The following FBXO9 variants were observed in gnomAD, a reference collection of about 807,000 sequenced individuals.
FBXO9 encodes the protein F-box only protein 9.
A neutral mutation model predicts 63.7 loss-of-function variants in FBXO9; 43 were observed. The observed-to-expected ratio is 0.67, with a 90% CI of 0.53 to 0.87. FBXO9 has a LOEUF of 0.87. Ranked by LOEUF, FBXO9 falls within the 40% of genes least tolerant of loss-of-function variation. The probability of loss-of-function intolerance (pLI) is 0.00; values close to 1 mark genes in which losing one functional copy is unlikely to be tolerated. For missense variants in FBXO9, 442 were observed against 533.2 expected (o/e 0.83, Z 1.68); for synonymous variants, 156 against 171.7 (o/e 0.91, Z 0.72).
chr6:53,094,372 T>C (rs1291149974), intron 11 of FBXO9, among the ~76,000 whole-genome samples: 1 of 152,226 alleles, frequency 6.6e-6, no homozygotes, highest in Non-Finnish European at 1.5e-5. Context: ...CAGTTTCTAC[T>C]GGAAATAACC....
Position 53,099,506 on chromosome 6 carries a change from C to G in FBXO9, c.*1676C>G, listed in dbSNP as rs1051781734. 1 of 151,640 alleles carries G rather than the reference C, an allele frequency of 6.6e-6. No homozygotes were observed. Among genetic ancestry groups the G allele is most frequent in the Non-Finnish European group, 1.5e-5 (1 of 68,062 alleles). 9.4% of individuals were successfully genotyped at this position (151,640 alleles called of 1,614,324 possible). On this transcript the variant is annotated 3_prime_UTR_variant, in exon 13 of 13. Coordinates refer to ENST00000323557, the MANE Select transcript of FBXO9 (RefSeq NM_033480.3). ...CTATAATCCCAATACTTTGGGAGGC[C>G]AAGGCAGGAGGATTGCTTGAGGTCA...
At chr6:53,088,993 C>T (rs1581826498) in intron 7 of FBXO9, among the ~76,000 whole-genome samples, 1 of 151,298 alleles carries the variant, frequency 6.6e-6, no homozygotes, top group East Asian at 1.9e-4. Context: ...GCAATCTCGG[C>T]TCACTGCAAG....
At chr6:53,073,384 A>G in intron 2 of FBXO9, 97 bp from the exon 3 acceptor site, 1 of 851,532 alleles carries the variant, frequency 1.2e-6, no homozygotes. Context: ...TAATAAGTAT[A>G]TACGTGGAAG....
chr6:53,077,472 C>CAAAAAA (rs1173539613), intron 4 of FBXO9, among the ~76,000 whole-genome samples: 20 of 70,464 alleles, frequency 2.8e-4, no homozygotes, highest in Non-Finnish European at 4.2e-4. Flanking sequence ...GACTCCGTCT[C>CAAAAAA]AAAAAAAAAA....
chr6:53,085,948 G>C (rs1321291787), intron 7 of FBXO9, among the ~76,000 whole-genome samples: 1 of 152,048 alleles, frequency 6.6e-6, no homozygotes, highest in South Asian at 2.1e-4. Flanking sequence ...CCAGGAGTTC[G>C]AGAGCAGCCT....
At chr6:53,079,097 AAAAT>A (rs1421885794) in intron 5 of FBXO9, among the ~76,000 whole-genome samples, 199 bp downstream of exon 5, 1 of 151,748 alleles carries the variant, frequency 6.6e-6, no homozygotes, top group Non-Finnish European at 1.5e-5. Flanking sequence ...AACAGATACA[AAAAT>A]AAACAGATAC....
intron 7 of FBXO9, among the ~76,000 whole-genome samples, chr6:53,087,860 G>A (rs951457579): frequency 3.3e-5 from 5 of 152,110 alleles, no homozygotes; most frequent in Non-Finnish European, 5.9e-5. Context: ...ATTTCTTATA[G>A]CAAAGCTCAA....
At chr6:53,074,393 C>G (rs1338163677) in intron 3 of FBXO9, among the ~76,000 whole-genome samples, 1 of 152,170 alleles carries the variant, frequency 6.6e-6, no homozygotes, top group African/African-American at 2.4e-5. Context: ...CCTGTGTGCC[C>G]TTTAACCTCC....
rs760060667 is a variant in FBXO9 at position 53,080,953 on chromosome 6, C to G, written c.408-15C>G. 6.2e-7 allele frequency: 1 copy of G among 1,613,008 alleles called. No homozygotes were observed. The highest frequency in any genetic ancestry group is 1.7e-5 in the Admixed American group (1 of 59,888). Reference sequence around the variant, plus strand: ...TAGACTGAGGCACTTAATTTATTCACCTCCCTTTTTTCAGCATTGAAGATA... The same window carrying G: ...TAGACTGAGGCACTTAATTTATTCAGCTCCCTTTTTTCAGCATTGAAGATA... On this transcript the variant is annotated splice_polypyrimidine_tract_variant and intron_variant, in intron 5 of 12. Transcript: ENST00000323557.
At position 53,099,001 on chromosome 6, in the gene FBXO9, A is replaced by C. The variant is rs1014778503; in HGVS notation, c.*1171A>C. The stretch of plus-strand genomic sequence containing the variant: ...TAGAGACAAATTCTCATGTACTTTC[A>C]GAAATCAATATCTGCAGCCACTGTT... On this transcript the variant is annotated 3_prime_UTR_variant, in exon 13 of 13. Transcript: ENST00000323557. 10 of 152,214 alleles carry C rather than the reference A, an allele frequency of 6.6e-5. No homozygotes were observed. The highest frequency in any genetic ancestry group is 2.4e-4 in the African/African-American group (10 of 41,444). The allele number at this position is 152,214 out of a possible 1,614,324, so 9.4% of individuals were successfully genotyped here.
chr6:53,082,386 T>C, intron 6 of FBXO9, 118 bp from the exon 7 acceptor site: 1 of 558,398 alleles, frequency 1.8e-6, no homozygotes, highest in Non-Finnish European at 3.2e-6. Context: ...GCTTTAGCTC[T>C]GAGCAATACA....
Position 53,097,733 on chromosome 6 carries a change from A to T in FBXO9, c.1217A>T (p.Glu406Val). 6.3e-7 allele frequency: 1 copy of T among 1,598,630 alleles called. No individual in the cohort carries two copies. The highest frequency in any genetic ancestry group is 8.5e-7 in the Non-Finnish European group (1 of 1,170,636). The change falls in exon 13 of 13, where the codon GAG (glutamate) becomes GTG (valine). Residue 406 changes from glutamate (E) to valine (V), a missense_variant. Around this residue, in one of 2 missense-constraint regions of FBXO9, gnomAD observed 262 missense variants for 362.1 expected, o/e 0.72. Transcript: ENST00000323557. ...CTTTTTTTTTACAGATCAACTGGTG[A>T]GACTGCAGTCAGTGCTTTTGAGATT... ...SCHITYKSTG[E>V]TAVSAFEIDK...
chr6:53,095,922 T>C (rs1425958669), intron 12 of FBXO9, among the ~76,000 whole-genome samples: 1 of 152,232 alleles, frequency 6.6e-6, no homozygotes, highest in African/African-American at 2.4e-5. Context: ...ACTTTGGAAA[T>C]GAAAGTAGCA....
intron 7 of FBXO9, among the ~76,000 whole-genome samples, chr6:53,089,001 A>C (rs1762970564): frequency 6.7e-6 from 1 of 149,612 alleles, no homozygotes; most frequent in South Asian, 2.1e-4. Flanking sequence ...GGCTCACTGC[A>C]AGCTCCGCCT....
intron 7 of FBXO9, among the ~76,000 whole-genome samples, chr6:53,083,647 A>G (rs1384372350): frequency 1.3e-5 from 2 of 152,190 alleles, no homozygotes; most frequent in Admixed American, 1.3e-4. Flanking sequence ...TTTTTTGTAT[A>G]AGGCTGTGAT....
chr6:53,068,563 C>T lies in FBXO9; in HGVS notation c.4-2494C>T, dbSNP rs143347995. ...AAGCTTTCCTAGTACATATAAAATA[C>T]ACAGAAGTCATATTTTCATAGAACA... On this transcript the variant is annotated intron_variant, in intron 1 of 12. Coordinates refer to ENST00000323557, the MANE Select transcript of FBXO9 (RefSeq NM_033480.3). 2.6e-3 allele frequency among the ~76,000 whole-genome samples: 394 copies of T among 151,686 alleles called. 2 individuals carry two copies. The highest frequency in any genetic ancestry group is 6.8e-3 in the African/African-American group (282 of 41,374).
chr6:53,074,652 G>A (rs1336084052), intron 3 of FBXO9, among the ~76,000 whole-genome samples: 1 of 152,166 alleles, frequency 6.6e-6, no homozygotes, highest in African/African-American at 2.4e-5. Flanking sequence ...GCAACCACTA[G>A]TCTGTTCTCC....
intron 1 of FBXO9, among the ~76,000 whole-genome samples, chr6:53,068,905 C>T (rs1768811925): frequency 6.6e-6 from 1 of 152,132 alleles, no homozygotes; most frequent in South Asian, 2.1e-4. Context: ...CCACCTCAGC[C>T]TTCCAAAGTG....
intron 3 of FBXO9, among the ~76,000 whole-genome samples, chr6:53,075,734 ATTATT>A (rs1216493983): frequency 7.3e-5 from 6 of 82,174 alleles, no homozygotes; most frequent in African/African-American, 3.1e-4. Context: ...TATATATATA[ATTATT>A]TTTTTTTTTT....
Sources: allele counts gnomAD v4.1 joint callset (sites outside exome capture counted in the v4.1 genomes callset), GRCh38; gene constraint gnomAD v4.1.1; regional missense constraint gnomAD v4.1.1; transcripts MANE v1.5; gene names NCBI Gene and HGNC (gene_info 2026-07-23, HGNC 2026-07-21).